Variants in EYS observed in about 807,000 individuals in gnomAD.
EYS encodes protein eyes shut homolog.
A neutral mutation model predicts 282.1 loss-of-function variants in EYS; 250 were observed. The observed-to-expected ratio is 0.89, with a 90% CI of 0.80 to 0.98. EYS has a LOEUF of 0.98. Among genes scored for constraint, EYS ranks in the 50% least tolerant of loss-of-function variants. The pLI is 0.00. For missense variants in EYS, 4,016 were observed against 3,709.0 expected (o/e 1.08, Z -2.15); for synonymous variants, 1,355 against 1,282.9 (o/e 1.06, Z -1.20).
intron 26 of EYS, among the ~76,000 whole-genome samples, chr6:64,536,575 AC>A (rs1746254729): frequency 6.6e-6 from 1 of 152,058 alleles, no homozygotes; most frequent in African/African-American, 2.4e-5. Context: ...TTAAAAGTCT[AC>A]CCTTTTTCCA....
intron 35 of EYS, among the ~76,000 whole-genome samples, chr6:63,870,874 A>G (rs1772784343): frequency 6.6e-6 from 1 of 152,206 alleles, no homozygotes; most frequent in Non-Finnish European, 1.5e-5. Flanking sequence ...GTTGTAAGGG[A>G]CAATATAAAA....
intron 31 of EYS, among the ~76,000 whole-genome samples, chr6:64,107,034 C>A (rs1773037835): frequency 6.6e-6 from 1 of 151,270 alleles, no homozygotes; most frequent in African/African-American, 2.4e-5. Context: ...TTAGAATTTT[C>A]ATCTCTCTGC....
chr6:64,015,713 A>C (rs1053954579), intron 33 of EYS, among the ~76,000 whole-genome samples: 1 of 152,206 alleles, frequency 6.6e-6, no homozygotes, highest in East Asian at 1.9e-4. Flanking sequence ...ACAGAGGGTA[A>C]GAAGGAAAGA....
intron 2 of EYS, among the ~76,000 whole-genome samples, chr6:65,508,321 A>T (rs945878823): frequency 6.6e-6 from 1 of 152,048 alleles, no homozygotes; most frequent in African/African-American, 2.4e-5. Flanking sequence ...ATGGTCTATG[A>T]TCCTCCAGTT....
At chr6:65,166,556 C>A (rs977133762) in intron 12 of EYS, among the ~76,000 whole-genome samples, 3 of 150,970 alleles carry the variant, frequency 2.0e-5, no homozygotes, top group East Asian at 3.9e-4. Flanking sequence ...TCACATTATA[C>A]AAAACAAATT....
intron 31 of EYS, among the ~76,000 whole-genome samples, chr6:64,114,647 G>A (rs1008126480): frequency 6.6e-6 from 1 of 152,184 alleles, no homozygotes; most frequent in South Asian, 2.1e-4. Context: ...TTGCTTTCTA[G>A]TGGCTTACTC....
At chr6:64,768,641 AAG>A (rs1276638321) in intron 22 of EYS, among the ~76,000 whole-genome samples, 1 of 152,148 alleles carries the variant, frequency 6.6e-6, no homozygotes, top group Non-Finnish European at 1.5e-5. Context: ...TAAATTGATA[AAG>A]ACATATTTAA....
intron 22 of EYS, among the ~76,000 whole-genome samples, chr6:64,677,370 T>C (rs1313091064): frequency 6.6e-6 from 1 of 152,228 alleles, no homozygotes; most frequent in Non-Finnish European, 1.5e-5. Context: ...TCTGAAATTA[T>C]GGATTTTACC....
intron 15 of EYS, among the ~76,000 whole-genome samples, chr6:64,915,755 A>G (rs1242512848): frequency 2.6e-5 from 4 of 152,162 alleles, no homozygotes; most frequent in African/African-American, 9.6e-5. Context: ...CCAATTTGAT[A>G]CTTTCAATAA....
intron 2 of EYS, among the ~76,000 whole-genome samples, chr6:65,574,285 T>A (rs1350006557): frequency 6.6e-6 from 1 of 152,012 alleles, no homozygotes; most frequent in Non-Finnish European, 1.5e-5. Flanking sequence ...AGGTCTCCAA[T>A]CAAATTCGGT....
chr6:64,008,274 T>C (rs1296416791), intron 33 of EYS, among the ~76,000 whole-genome samples: 1 of 152,218 alleles, frequency 6.6e-6, no homozygotes, highest in Non-Finnish European at 1.5e-5. Flanking sequence ...AAGTCTGTTT[T>C]GTCTGAAATT....
At chr6:64,913,798 G>A (rs1404036982) in intron 15 of EYS, among the ~76,000 whole-genome samples, 1 of 152,084 alleles carries the variant, frequency 6.6e-6, no homozygotes, top group Non-Finnish European at 1.5e-5. Context: ...GGGTCAAATG[G>A]TAGTTCTATT....
chr6:64,481,000 G>A (rs1186007327), intron 26 of EYS, among the ~76,000 whole-genome samples: 4 of 151,186 alleles, frequency 2.6e-5, no homozygotes, highest in Non-Finnish European at 5.9e-5. Context: ...TAACCTTGAT[G>A]TCTATTATCC....
chr6:64,988,332 G>T (rs1221581576), intron 14 of EYS, among the ~76,000 whole-genome samples: 1 of 151,482 alleles, frequency 6.6e-6, no homozygotes, highest in African/African-American at 2.4e-5. Flanking sequence ...CTTAAAAGGT[G>T]GCCCAAGAGC....
rs377730663 is a variant in EYS at position 64,310,093 on chromosome 6, G to T, written c.6079-3011C>A. On this transcript the variant is annotated intron_variant, in intron 29 of 42. Transcript: ENST00000503581. ...ATAAAAAAAAAAATAACAGATGCTGGCAAGATTGTGGAGAAAAAGGAATGC... is the reference window on the plus strand; with the variant it reads ...ATAAAAAAAAAAATAACAGATGCTGTCAAGATTGTGGAGAAAAAGGAATGC... 2.0e-5 allele frequency among the ~76,000 whole-genome samples: 3 copies of T among 149,738 alleles called. No individual in the cohort carries two copies. In the East Asian group the frequency reaches 5.8e-4, roughly 29 times the overall value.
intron 31 of EYS, among the ~76,000 whole-genome samples, chr6:64,137,940 T>C (rs1278876713): frequency 6.6e-6 from 1 of 152,156 alleles, no homozygotes; most frequent in African/African-American, 2.4e-5. Flanking sequence ...CAAAACTCAG[T>C]ATATGTGAAG....
At chr6:64,540,781 GC>G (rs1451068083) in intron 26 of EYS, among the ~76,000 whole-genome samples, 1 of 152,158 alleles carries the variant, frequency 6.6e-6, no homozygotes, top group Non-Finnish European at 1.5e-5. Context: ...ATCATGCCCA[GC>G]CTACAGGTTC....
intron 30 of EYS, among the ~76,000 whole-genome samples, chr6:64,296,562 A>T (rs1166517624): frequency 5.5e-4 from 4 of 7,234 alleles, no homozygotes; most frequent in African/African-American, 1.7e-3. Flanking sequence ...ATATATATAT[A>T]TATATATATA....
intron 12 of EYS, among the ~76,000 whole-genome samples, chr6:65,245,413 A>T (rs1026456782): frequency 6.6e-6 from 1 of 152,160 alleles, no homozygotes; most frequent in African/African-American, 2.4e-5. Flanking sequence ...TCCAGGATTC[A>T]GGCAAATTAA....
Sources: allele counts gnomAD v4.1 joint callset (sites outside exome capture counted in the v4.1 genomes callset), GRCh38; gene constraint gnomAD v4.1.1; transcripts MANE v1.5; gene names NCBI Gene and HGNC (gene_info 2026-07-23, HGNC 2026-07-21).